The following LRP1B variants were observed in gnomAD, a reference collection of about 807,000 sequenced individuals.
LRP1B encodes LDL receptor related protein 1B, also known as low-density lipoprotein receptor-related protein 1B.
LRP1B carries 217 observed loss-of-function variants against 556.6 expected under a neutral mutation model. That is an observed-to-expected ratio of 0.39 (90% CI 0.35 to 0.44). The LOEUF (loss-of-function observed/expected upper bound fraction) is 0.44, where lower values mean the gene tolerates loss of function less well. LRP1B is among the 20% of genes least tolerant of loss of function. The probability of loss-of-function intolerance (pLI) is 1.00; values close to 1 mark genes in which losing one functional copy is unlikely to be tolerated. For synonymous variants in LRP1B, 2,047 were observed against 1,865.8 expected (o/e 1.10, Z -2.50); for missense variants, 5,053 against 5,620.8 (o/e 0.90, Z 3.23).
intron 1 of LRP1B, among the ~76,000 whole-genome samples, chr2:141,995,973 G>T (rs1702477846): frequency 1.3e-5 from 2 of 152,142 alleles, no homozygotes; most frequent in South Asian, 4.1e-4. Context: ...TTATAAGTAG[G>T]CAGGAAGCGG....
At chr2:140,778,235 ATCATTTT>A (rs1480743081) in intron 32 of LRP1B, among the ~76,000 whole-genome samples, 11 of 152,186 alleles carry the variant, frequency 7.2e-5, no homozygotes, top group Non-Finnish European at 1.6e-4. Context: ...TTCATAGAAC[ATCATTTT>A]ATCTTTGAAG....
chr2:141,066,780 A>G (rs1348329796), intron 7 of LRP1B, among the ~76,000 whole-genome samples: 2 of 151,988 alleles, frequency 1.3e-5, no homozygotes, highest in African/African-American at 4.8e-5. Flanking sequence ...TTAGAAAGTT[A>G]GGTTACACGA....
At chr2:140,533,104 A>T (rs1297848261) in intron 47 of LRP1B, among the ~76,000 whole-genome samples, 1 of 151,780 alleles carries the variant, frequency 6.6e-6, no homozygotes, top group Non-Finnish European at 1.5e-5. Context: ...TAAAGTGATA[A>T]TGCTTTGGAA....
chr2:140,768,348 A>G (rs1248474131), intron 35 of LRP1B, among the ~76,000 whole-genome samples: 1 of 151,894 alleles, frequency 6.6e-6, no homozygotes, highest in African/African-American at 2.4e-5. Flanking sequence ...TCAAATAGCT[A>G]TTTGTTTTTT....
intron 5 of LRP1B, 41 bp downstream of exon 5, chr2:141,247,185 A>G (rs1684098165): frequency 6.2e-7 from 1 of 1,610,654 alleles, no homozygotes; most frequent in Non-Finnish European, 8.5e-7. Context: ...AAAGGAAACA[A>G]GTAATTCTGG....
chr2:140,950,212 C>T (rs1179298545), intron 20 of LRP1B, 23 bp downstream of exon 20: 7 of 1,493,240 alleles, frequency 4.7e-6, no homozygotes, highest in Non-Finnish European at 6.3e-6. Flanking sequence ...AATGAGATTT[C>T]ATTAATTTAT....
intron 14 of LRP1B, among the ~76,000 whole-genome samples, chr2:141,009,189 CT>C (rs746428898): frequency 1.3e-3 from 193 of 144,190 alleles, no homozygotes; most frequent in Middle Eastern, 3.7e-3. Context: ...TGGGGATTCT[CT>C]TTTTTTTTTT....
intron 3 of LRP1B, among the ~76,000 whole-genome samples, chr2:141,393,045 C>T (rs564276335): frequency 6.6e-6 from 1 of 152,212 alleles, no homozygotes; most frequent in East Asian, 1.9e-4. Context: ...TCCAAAGCTC[C>T]AGCATAGTAC....
chr2:141,727,801 A>T (rs896502178), intron 2 of LRP1B, among the ~76,000 whole-genome samples: 1 of 152,072 alleles, frequency 6.6e-6, no homozygotes, highest in Middle Eastern at 3.2e-3. Flanking sequence ...ATCTATCTAT[A>T]TATCAATCTC....
At position 141,000,277 on chromosome 2, in the gene LRP1B, C is replaced by T. The variant is rs116599078; in HGVS notation, c.2503+5058G>A. Reference sequence around the variant, plus strand: ...AAGCAAATATCTCTGTGTGTCCTCTCCCACCATGATATTTAAACACAGGTG... The same window carrying T: ...AAGCAAATATCTCTGTGTGTCCTCTTCCACCATGATATTTAAACACAGGTG... On this transcript the variant is annotated intron_variant, in intron 15 of 90. Coordinates refer to ENST00000389484, the MANE Select transcript of LRP1B (RefSeq NM_018557.3). Among the ~76,000 whole-genome samples, 1,024 of 152,006 alleles carry T rather than the reference C, an allele frequency of 6.7e-3. 9 individuals are homozygous for T. Among genetic ancestry groups the T allele is most frequent in the African/African-American group, 0.022 (920 of 41,482 alleles).
At chr2:141,415,727 T>C (rs1244364080) in intron 3 of LRP1B, among the ~76,000 whole-genome samples, 1 of 136,348 alleles carries the variant, frequency 7.3e-6, no homozygotes, top group Non-Finnish European at 1.6e-5. Flanking sequence ...ATGTATGCAT[T>C]TCAGTTCTTT....
At chr2:140,430,381 G>A (rs545325477) in intron 66 of LRP1B, among the ~76,000 whole-genome samples, 4 of 152,202 alleles carry the variant, frequency 2.6e-5, no homozygotes, top group South Asian at 4.2e-4. Context: ...ACTACTCAAA[G>A]GTCCTCCATC....
intron 1 of LRP1B, among the ~76,000 whole-genome samples, chr2:141,845,179 AT>A (rs1697604099): frequency 6.6e-6 from 1 of 151,760 alleles, no homozygotes; most frequent in Non-Finnish European, 1.5e-5. Flanking sequence ...CTTCAAGGTT[AT>A]TTTTTAGATA....
At chr2:141,142,022 T>A (rs1701665961) in intron 7 of LRP1B, among the ~76,000 whole-genome samples, 1 of 151,812 alleles carries the variant, frequency 6.6e-6, no homozygotes, top group Admixed American at 6.6e-5. Flanking sequence ...TAAAATGTAG[T>A]AGAAACACCT....
intron 27 of LRP1B, among the ~76,000 whole-genome samples, chr2:140,856,276 A>G (rs1206253908): frequency 6.6e-6 from 1 of 152,104 alleles, no homozygotes; most frequent in Non-Finnish European, 1.5e-5. Flanking sequence ...ACCTTCCTTC[A>G]TGTCTCAGCT....
intron 3 of LRP1B, among the ~76,000 whole-genome samples, chr2:141,454,807 C>CGTA (rs1186437645): frequency 6.6e-6 from 1 of 152,102 alleles, no homozygotes; most frequent in East Asian, 1.9e-4. Context: ...AGGAATAGTG[C>CGTA]TACTCTGAGA....
At chr2:140,478,804 G>A (rs1688091466) in intron 59 of LRP1B, among the ~76,000 whole-genome samples, 2 of 152,096 alleles carry the variant, frequency 1.3e-5, no homozygotes, top group Middle Eastern at 3.4e-3. Flanking sequence ...AGTATTAAAT[G>A]AGAGAATATA....
chr2:140,796,157 C>T (rs896021960), intron 32 of LRP1B, among the ~76,000 whole-genome samples: 2 of 150,982 alleles, frequency 1.3e-5, no homozygotes, highest in Admixed American at 1.3e-4. Flanking sequence ...TGTATTTTTC[C>T]CTGAAAATGA....
intron 41 of LRP1B, among the ~76,000 whole-genome samples, chr2:140,664,737 A>G (rs1685209839): frequency 6.6e-6 from 1 of 152,054 alleles, no homozygotes; most frequent in Non-Finnish European, 1.5e-5. Context: ...TTAGAAATAT[A>G]TTATAAAATA....
Sources: allele counts gnomAD v4.1 joint callset (sites outside exome capture counted in the v4.1 genomes callset), GRCh38; gene constraint gnomAD v4.1.1; transcripts MANE v1.5; gene names NCBI Gene and HGNC (gene_info 2026-07-23, HGNC 2026-07-21).